OPRM1: variants seen among roughly 807,000 people sequenced by gnomAD.
OPRM1 encodes mu-type opioid receptor.
A neutral mutation model predicts 31.8 loss-of-function variants in OPRM1; 27 were observed. The observed-to-expected ratio is 0.85, with a 90% CI of 0.63 to 1.17. The LOEUF is 1.17. Among genes scored for constraint, OPRM1 ranks in the 50% most tolerant of loss-of-function variants. The pLI, the probability that OPRM1 is intolerant of heterozygous loss-of-function variation, is 0.00. For missense variants in OPRM1, 536 were observed against 511.1 expected (o/e 1.05, Z -0.47); for synonymous variants, 196 against 189.9 (o/e 1.03, Z -0.26).
chr6:154,026,122 G>A (rs952294067), intron 1 of OPRM1, among the ~76,000 whole-genome samples: 71 of 152,202 alleles, frequency 4.7e-4, no homozygotes, highest in African/African-American at 1.6e-3. Context: ...TTGTAGGACA[G>A]GTCTGGTGTT....
intron 1 of OPRM1, among the ~76,000 whole-genome samples, chr6:154,025,722 C>T (rs1050680377): frequency 9.9e-5 from 15 of 151,798 alleles, no homozygotes; most frequent in African/African-American, 2.9e-4. Context: ...TATGTTACCA[C>T]GAGGCTTGCA....
In OPRM1 at chr6:154,078,023, A is replaced by G. The variant is rs148030530; in HGVS notation, c.291-11803A>G. On this transcript the variant is annotated intron_variant, in intron 1 of 3. Transcript: ENST00000330432. ...CATTCCGCAAATTTGACCACTATAGACTTCATGATAATCTTTCCTCTTTTG... is the reference window on the plus strand; with the variant it reads ...CATTCCGCAAATTTGACCACTATAGGCTTCATGATAATCTTTCCTCTTTTG... Among the ~76,000 whole-genome samples the G allele has an allele frequency of 8.3e-3, 1,257 of 152,206 alleles. 16 individuals carry two copies. Among genetic ancestry groups the G allele is most frequent in the African/African-American group, 0.029 (1,211 of 41,520 alleles).
chr6:154,146,045 G>C (rs763335856), intron 3 of OPRM1, among the ~76,000 whole-genome samples: 3 of 152,190 alleles, frequency 2.0e-5, no homozygotes, highest in Non-Finnish European at 4.4e-5. Context: ...TTTGCATGGG[G>C]CATCTCAGCA....
At position 154,144,743 on chromosome 6, in the gene OPRM1, T is replaced by C. The variant is rs1281663380; in HGVS notation, c.1164+53271T>C. Reference sequence around the variant, plus strand: ...AGCCTGAGCAACAAGAGCGAGACTCTGTCTCAAAAAAAAAAAAAAAAAAAA... The same window carrying C: ...AGCCTGAGCAACAAGAGCGAGACTCCGTCTCAAAAAAAAAAAAAAAAAAAA... On this transcript the variant is annotated intron_variant, in intron 3 of 3. Transcript: ENST00000337049. 8.7e-5 allele frequency among the ~76,000 whole-genome samples: 9 copies of C among 103,920 alleles called. No individual in the cohort carries two copies. The Admixed American group carries it at 9.9e-4, about 11-fold the overall frequency. 68.2% of individuals were successfully genotyped at this position (103,920 alleles called of 152,430 possible).
chr6:154,016,339 G>C (rs891102129), intron 1 of OPRM1, among the ~76,000 whole-genome samples: 1 of 152,092 alleles, frequency 6.6e-6, no homozygotes, highest in Non-Finnish European at 1.5e-5. Flanking sequence ...TAAAGTAGCA[G>C]GTTATAAAAT....
intron 1 of OPRM1, among the ~76,000 whole-genome samples, chr6:154,080,158 G>C (rs1353775214): frequency 1.3e-5 from 2 of 152,078 alleles, no homozygotes; most frequent in Admixed American, 1.3e-4. Flanking sequence ...TTTCTATCAA[G>C]ATCATTTCTT....
chr6:154,184,995 A>C (rs2128573128), intron 3 of OPRM1, among the ~76,000 whole-genome samples: 1 of 152,370 alleles, frequency 6.6e-6, no homozygotes, highest in South Asian at 2.1e-4. Context: ...GCCTGTCTGC[A>C]TATAGCCCTT....
chr6:154,115,028 A>G (rs1796722335), intron 3 of OPRM1, among the ~76,000 whole-genome samples: 1 of 152,208 alleles, frequency 6.6e-6, no homozygotes, highest in Non-Finnish European at 1.5e-5. Context: ...AATGTAAATT[A>G]TCAATACCAA....
chr6:154,067,700 T>C (rs1227194553), intron 1 of OPRM1, among the ~76,000 whole-genome samples: 1 of 152,054 alleles, frequency 6.6e-6, no homozygotes, highest in Admixed American at 6.6e-5. Flanking sequence ...AAGTCCTCTA[T>C]TTCCTTACTT....
chr6:154,221,301 G>C (rs755447857), intron 3 of OPRM1: 4 of 1,613,830 alleles, frequency 2.5e-6, no homozygotes, highest in African/African-American at 1.3e-5. Context: ...AAAAGGTCTT[G>C]ATCTGTGGAT....
At chr6:154,239,585 CCTGTCCA>C (rs1780411332) in intron 3 of OPRM1, among the ~76,000 whole-genome samples, 3 of 152,210 alleles carry the variant, frequency 2.0e-5, no homozygotes, top group Admixed American at 2.0e-4. Context: ...CACGTTTTGC[CCTGTCCA>C]GACATGTCAA....
intron 1 of OPRM1, among the ~76,000 whole-genome samples, chr6:154,050,617 C>T (rs955537760): frequency 2.0e-5 from 3 of 148,108 alleles, no homozygotes; most frequent in African/African-American, 7.5e-5. Context: ...GTAGTGGGGG[C>T]TGATGGGGGG....
chr6:154,180,361 T>G lies in OPRM1; in HGVS notation c.1165-66332T>G, dbSNP rs528803478. Among the ~76,000 whole-genome samples, 856 of 149,330 alleles carry G rather than the reference T, an allele frequency of 5.7e-3. 12 individuals carry two copies. Among genetic ancestry groups the G allele is most frequent in the African/African-American group, 0.02 (830 of 40,574 alleles). ...AAGAAAGGAGACATATATATATATA[T>G]ACTGAGCTAGTTTAACAACAACAAC... is the stretch of plus-strand genomic sequence containing the variant. On this transcript the variant is annotated intron_variant, in intron 3 of 3. Coordinates refer to the OPRM1 transcript ENST00000337049.
At chr6:154,046,977 C>A (rs1781235414) in intron 1 of OPRM1, among the ~76,000 whole-genome samples, 2 of 152,174 alleles carry the variant, frequency 1.3e-5, no homozygotes, top group Non-Finnish European at 2.9e-5. Flanking sequence ...TCCATCACAG[C>A]CCTTTGGATT....
chr6:154,018,505 C>CT (rs747320275), intron 1 of OPRM1, among the ~76,000 whole-genome samples: 36,361 of 141,128 alleles, frequency 0.26, 4,840 homozygotes, highest in Non-Finnish European at 0.29. Context: ...CCCGTTAATT[C>CT]TTTTTTTTTT....
At chr6:154,177,161 G>A (rs145382527) in intron 3 of OPRM1, among the ~76,000 whole-genome samples, 375 of 152,228 alleles carry the variant, frequency 2.5e-3, no homozygotes, top group African/African-American at 8.4e-3. Context: ...AGACTTAAAC[G>A]TAAGACCTAA....
chr6:154,078,096 T>C (rs1401013062), intron 1 of OPRM1, among the ~76,000 whole-genome samples: 1 of 152,108 alleles, frequency 6.6e-6, no homozygotes, highest in Non-Finnish European at 1.5e-5. Context: ...TCTCTGGCCA[T>C]TCCTTAGTTC....
At chr6:154,103,452 A>G (rs1031387125) in intron 3 of OPRM1, among the ~76,000 whole-genome samples, 1 of 152,222 alleles carries the variant, frequency 6.6e-6, no homozygotes, top group African/African-American at 2.4e-5. Flanking sequence ...GGTAAACCCT[A>G]TACCAATTGT....
At chr6:154,182,572 C>T (rs1314133419) in intron 3 of OPRM1, among the ~76,000 whole-genome samples, 1 of 152,208 alleles carries the variant, frequency 6.6e-6, no homozygotes, top group African/African-American at 2.4e-5. Flanking sequence ...ACTATGTTTC[C>T]TCATATGCTA....
Sources: allele counts gnomAD v4.1 joint callset (sites outside exome capture counted in the v4.1 genomes callset), GRCh38; gene constraint gnomAD v4.1.1; transcripts MANE v1.5; gene names NCBI Gene and HGNC (gene_info 2026-07-23, HGNC 2026-07-21).